The following CDH23 variants were observed in gnomAD, a reference collection of about 807,000 sequenced individuals.
CDH23 encodes cadherin-23.
CDH23 carries 189 observed loss-of-function variants against 317.1 expected under a neutral mutation model. The observed-to-expected ratio is 0.60, with a 90% CI of 0.53 to 0.67. The LOEUF is 0.67. CDH23 is among the 30% of genes least tolerant of loss of function. The probability of loss-of-function intolerance (pLI) is 0.00; values close to 1 mark genes in which losing one functional copy is unlikely to be tolerated. For missense variants in CDH23, 4,401 were observed against 4,592.4 expected (o/e 0.96, Z 1.20); for synonymous variants, 1,839 against 1,876.8 (o/e 0.98, Z 0.52).
Position 71,690,506 on chromosome 10 carries a change from C to T in CDH23, c.2098C>T (p.Arg700Cys), listed in dbSNP as rs776179827. The change falls in exon 20 of 70, where the codon CGC becomes TGC. Residue 700 changes from arginine to cysteine, a missense_variant. Transcript: ENST00000224721. ...VLFLNATDLDRSREYGQESII... is the reference protein window; with the variant it reads ...VLFLNATDLDCSREYGQESII... ...GTTCCTGAATGCCACAGACCTGGAC[C>T]GCTCCCGGGAGTACGGCCAGGAGTC... 34 of 1,610,936 alleles carry T rather than the reference C, an allele frequency of 2.1e-5. No individual in the cohort carries two copies. The highest frequency in any genetic ancestry group is 2.1e-4 in the South Asian group (19 of 90,108).
chr10:71,490,408 G>A (rs2081535899), intron 3 of CDH23, among the ~76,000 whole-genome samples: 2 of 152,118 alleles, frequency 1.3e-5, no homozygotes, highest in African/African-American at 4.8e-5. Flanking sequence ...ATTGTCCAGG[G>A]TTGTGTCTGG....
At position 71,788,991 on chromosome 10, in the gene CDH23, C is replaced by T; in HGVS notation, c.5872C>T (p.Leu1958Phe). 2 of 1,606,970 alleles carry T rather than the reference C, an allele frequency of 1.2e-6. No homozygotes were observed. Among genetic ancestry groups the T allele is most frequent in the South Asian group, 1.1e-5 (1 of 90,936 alleles). ...TTCTGATGAGAATGACAACCACCCC[C>T]TCTTCACTAAAAGCACCTACCAGGC... is the stretch of plus-strand genomic sequence containing the variant. ...FLSDENDNHP[L>F]FTKSTYQAEV... The change falls in exon 45 of 70, where the codon CTC (leucine) becomes TTC (phenylalanine). Residue 1958 changes from leucine to phenylalanine, a missense_variant. Physicochemically the swap from Leu to Phe is conservative, Grantham distance 22. This residue lies in a region of CDH23 where 3,068 missense variants were observed against 3,203.3 expected (regional missense o/e 0.96). Transcript: ENST00000224721.
At chr10:71,437,550 C>G (rs1455205487) in intron 1 of CDH23, among the ~76,000 whole-genome samples, 2 of 152,152 alleles carry the variant, frequency 1.3e-5, no homozygotes, top group Non-Finnish European at 2.9e-5. Flanking sequence ...CCATTATTCT[C>G]AAAGTAAACA....
At position 71,776,431 on chromosome 10, in the gene CDH23, C is replaced by T. The variant is rs187947565; in HGVS notation, c.4846-1249C>T. ...CTCTGGCCTGGCAATGGCCTAGTCA[C>T]GTTCTCTCTACCCAGACACCTTTGC... On this transcript the variant is annotated intron_variant, in intron 38 of 69. Transcript: ENST00000224721. 2.1e-3 allele frequency among the ~76,000 whole-genome samples: 321 copies of T among 152,342 alleles called. 6 individuals carry two copies. The highest frequency in any genetic ancestry group is 0.02 in the Admixed American group (311 of 15,308).
intron 20 of CDH23, among the ~76,000 whole-genome samples, 198 bp downstream of exon 20, chr10:71,690,782 T>C (rs1865159885): frequency 6.6e-6 from 1 of 152,258 alleles, no homozygotes; most frequent in South Asian, 2.1e-4. Context: ...CAACGTGAAT[T>C]GACCCAGTGA....
At chr10:71,713,676 C>T (rs1564750318) in intron 28 of CDH23, 2 of 229,194 alleles carry the variant, frequency 8.7e-6, no homozygotes, top group South Asian at 1.1e-4. Context: ...CGATCAGGGC[C>T]TCAGCTTGTG....
chr10:71,500,725 G>A (rs933992663), intron 3 of CDH23, among the ~76,000 whole-genome samples: 3 of 152,164 alleles, frequency 2.0e-5, no homozygotes, highest in Admixed American at 1.3e-4. Flanking sequence ...CTGGCTTGCT[G>A]ACCTTGGGTA....
chr10:71,655,194 G>A lies in CDH23; in HGVS notation c.1449+8577G>A, dbSNP rs117242215. ...TCCGTGACTGGGAAGTGAAAAGACAGTGATCCCTGCTGTCCCAGGCACTCC... is the reference window on the plus strand; with the variant it reads ...TCCGTGACTGGGAAGTGAAAAGACAATGATCCCTGCTGTCCCAGGCACTCC... On this transcript the variant is annotated intron_variant, in intron 14 of 69. Coordinates refer to ENST00000224721, the MANE Select transcript of CDH23 (RefSeq NM_022124.6). 6.7e-3 allele frequency among the ~76,000 whole-genome samples: 1,026 copies of A among 152,252 alleles called. 9 individuals carry two copies. Among genetic ancestry groups the A allele is most frequent in the Non-Finnish European group, 0.012 (817 of 68,018 alleles).
intron 9 of CDH23, among the ~76,000 whole-genome samples, chr10:71,605,730 C>T (rs1168023257): frequency 6.6e-6 from 1 of 152,122 alleles, no homozygotes; most frequent in Non-Finnish European, 1.5e-5. Context: ...TAGTGGCTTG[C>T]TGCATTTCAT....
Position 71,566,689 on chromosome 10 carries a change from C to T in CDH23, c.430-53C>T, listed in dbSNP as rs767827411. ...GCTTTGAGGGACTCAGCCCTGATGG[C>T]GCAGCTGCTCCGCACTGGCTCACCC... On this transcript the variant is annotated intron_variant, in intron 6 of 69. Coordinates refer to ENST00000224721, the MANE Select transcript of CDH23 (RefSeq NM_022124.6). 393 of 1,486,894 alleles carry T rather than the reference C, an allele frequency of 2.6e-4. 3 individuals are homozygous for T. The Middle Eastern group carries it at 5.0e-3, about 19-fold the overall frequency. The allele number at this position is 1,486,894 out of a possible 1,614,324, so 92.1% of individuals were successfully genotyped here. A position where few individuals can be genotyped will look rare whatever the true frequency, so the allele number is the denominator to read the frequency against.
intron 28 of CDH23, chr10:71,715,984 G>C: frequency 6.7e-7 from 1 of 1,491,642 alleles, no homozygotes; most frequent in Non-Finnish European, 8.9e-7. Flanking sequence ...GGTTGTCCTC[G>C]GGGCCCGGCA....
intron 3 of CDH23, among the ~76,000 whole-genome samples, chr10:71,491,107 G>A (rs142765883): frequency 3.3e-5 from 5 of 152,324 alleles, no homozygotes; most frequent in East Asian, 1.9e-4. Flanking sequence ...CAAATGCATC[G>A]ATTGGGTGCT....
chr10:71,646,129 C>T (rs367782695), intron 13 of CDH23, 149 bp downstream of exon 13: 68 of 1,059,544 alleles, frequency 6.4e-5, no homozygotes, highest in African/African-American at 6.4e-4. Flanking sequence ...CTCCAAGAGA[C>T]GGCAGGGGCC....
intron 14 of CDH23, among the ~76,000 whole-genome samples, chr10:71,671,311 C>T (rs937965378): frequency 6.6e-6 from 1 of 152,106 alleles, no homozygotes; most frequent in Non-Finnish European, 1.5e-5. Context: ...GCCAGCTGGG[C>T]CATCCCCTTC....
Position 71,441,144 on chromosome 10 carries a change from G to A in CDH23, c.67+1246G>A, listed in dbSNP as rs193035227. Among the ~76,000 whole-genome samples the A allele has an allele frequency of 4.3e-3, 653 of 152,286 alleles. 6 individuals carry two copies. The highest frequency in any genetic ancestry group is 0.015 in the African/African-American group (635 of 41,566). On this transcript the variant is annotated intron_variant, in intron 2 of 69. Transcript: ENST00000224721. The stretch of plus-strand genomic sequence containing the variant: ...TTTAACTCCCAGCTCATTTTACAGA[G>A]GAGACACCGAACCCTGGAGAAGCTA...
chr10:71,636,074 G>A (rs1862256139), intron 11 of CDH23, among the ~76,000 whole-genome samples: 1 of 152,096 alleles, frequency 6.6e-6, no homozygotes, highest in Admixed American at 6.5e-5. Context: ...GGGGACACCA[G>A]CATTCTGTCT....
rs968062239 is a variant in CDH23 at position 71,780,622 on chromosome 10, G to A, written c.5368+1175G>A. ...CAGAGAGGTAATGGGGCCAGATGTT[G>A]TCGGGCCTTGAGGGGCATCATGAGG... On this transcript the variant is annotated intron_variant, in intron 41 of 69. Coordinates refer to ENST00000224721, the MANE Select transcript of CDH23 (RefSeq NM_022124.6). Among the ~76,000 whole-genome samples the A allele has an allele frequency of 2.8e-4, 42 of 152,182 alleles. 1 individual carries two copies. The highest frequency in any genetic ancestry group is 5.3e-4 in the Non-Finnish European group (36 of 68,028).
Position 71,739,624 on chromosome 10 carries a change from A to T in CDH23, c.4360-20A>T. The T allele has an allele frequency of 6.2e-7, 1 of 1,610,530 alleles. No homozygotes were observed. Among genetic ancestry groups the T allele is most frequent in the Non-Finnish European group, 8.5e-7 (1 of 1,178,522 alleles). Reference sequence around the variant, plus strand: ...TCTCCTCCACACCTGCTCACCCCTCACCCTCTCTTCTCCCCACAGGTGGTC... The same window carrying T: ...TCTCCTCCACACCTGCTCACCCCTCTCCCTCTCTTCTCCCCACAGGTGGTC... On this transcript the variant is annotated intron_variant, in intron 35 of 69. Transcript: ENST00000224721.
Position 71,751,195 on chromosome 10 carries a change from T to C in CDH23, c.4845+9274T>C. ...AGGAGGCCACTCACAGAGCCAGCCC[T>C]GGCTCAAATGCACCTGCCCCAGACC... is the stretch of plus-strand genomic sequence containing the variant. On this transcript the variant is annotated intron_variant, in intron 38 of 69. Transcript: ENST00000224721. The surrounding 1 kb of genome is among the most constrained non-coding windows in gnomAD (Gnocchi z 4.9). 2 of 1,572,084 alleles carry C rather than the reference T, an allele frequency of 1.3e-6. No homozygotes were observed. Among genetic ancestry groups the C allele is most frequent in the Non-Finnish European group, 8.7e-7 (1 of 1,154,964 alleles).
Sources: gnomAD v4.1 joint callset for allele counts (sites outside exome capture counted in the v4.1 genomes callset) on GRCh38, gnomAD v4.1.1 for gene constraint, gnomAD v4.1.1 regional missense constraint, Gnocchi (gnomAD v3.1) non-coding constraint, MANE v1.5 for transcripts, NCBI Gene and HGNC (gene_info 2026-07-23, HGNC 2026-07-21) for gene names.